The following FAM76A variants were observed in gnomAD, a reference collection of about 807,000 sequenced individuals.
The protein encoded by FAM76A is family with sequence similarity 76 member A, also known as protein FAM76A.
FAM76A carries 32 observed loss-of-function variants against 46.2 expected under a neutral mutation model. That is an observed-to-expected ratio of 0.69 (90% CI 0.52 to 0.93). FAM76A has a LOEUF of 0.93. FAM76A is among the 40% of genes least tolerant of loss of function. The pLI is 0.00. For synonymous variants in FAM76A, 137 were observed against 127.0 expected, an observed-to-expected ratio of 1.08 and a Z score of -0.53; for missense variants, 274 against 361.5, an observed-to-expected ratio of 0.76 and a Z score of 1.96.
In FAM76A at chr1:27,732,636, G is replaced by T. The variant is rs1319026364; in HGVS notation, c.180G>T (p.Gln60His). Residue 60 changes from glutamine to histidine, a missense_variant, in exon 3 of 9, where the codon CAG becomes CAT. Physicochemically the swap from Gln to His is conservative, Grantham distance 24. Coordinates refer to ENST00000373954, the MANE Select transcript of FAM76A (RefSeq NM_152660.3). ...KTNTICKKCA[Q>H]NVQLYGTPKP... ...ATACAATATGCAAGAAATGTGCTCA[G>T]AACGTGCAGTTGTATGGAACGGTAA... is the stretch of plus-strand genomic sequence containing the variant. 6.2e-7 allele frequency: 1 copy of T among 1,609,668 alleles called. No homozygotes were observed. The highest frequency in any genetic ancestry group is 8.5e-7 in the Non-Finnish European group (1 of 1,176,734).
intron 4 of FAM76A, among the ~76,000 whole-genome samples, chr1:27,736,151 C>G (rs2088040159): frequency 6.6e-6 from 1 of 152,040 alleles, no homozygotes; most frequent in African/African-American, 2.4e-5. Flanking sequence ...GAAACCCCGT[C>G]TCTACCAAAA....
rs1227747714 is a variant in FAM76A, at chr1:27,757,549, A to G, written c.736-1977A>G. ...CAGCCAGCTAATTTTTGTATTTTTC[A>G]TAGAGATGGGGGTCTCACCATGTTG... On this transcript the variant is annotated intron_variant, in intron 7 of 8. Transcript: ENST00000373954. 5.3e-5 allele frequency among the ~76,000 whole-genome samples: 8 copies of G among 152,042 alleles called. No individual in the cohort carries two copies. In the East Asian group the frequency reaches 1.4e-3, roughly 26 times the overall value.
At chr1:27,745,819 A>G (rs2088232538) in intron 5 of FAM76A, among the ~76,000 whole-genome samples, 1 of 152,222 alleles carries the variant, frequency 6.6e-6, no homozygotes, top group Non-Finnish European at 1.5e-5. Flanking sequence ...TTGCAAAGGC[A>G]TGGAGGGCAT....
At chr1:27,760,207 G>A (rs1347496861) in intron 8 of FAM76A, 4 of 369,050 alleles carry the variant, frequency 1.1e-5, no homozygotes, top group Non-Finnish European at 2.1e-5. Context: ...TATAGATTCT[G>A]TTTATCCAGC....
intron 5 of FAM76A, among the ~76,000 whole-genome samples, chr1:27,748,512 G>C (rs1182331521): frequency 6.9e-6 from 1 of 145,654 alleles, no homozygotes; most frequent in African/African-American, 2.6e-5. Flanking sequence ...CGCCAGGCTG[G>C]AGTGCAGTGG....
rs553578695 is a variant in FAM76A, at chr1:27,739,685, G to C, written c.355-4969G>C. On this transcript the variant is annotated intron_variant, in intron 4 of 8. Transcript: ENST00000373954. ...CGCCTGTAGTCTCGGCTACTTGGGA[G>C]GCTGAGGTAGGAGGCTCACCTGAGC... 1.8e-4 allele frequency among the ~76,000 whole-genome samples: 27 copies of C among 152,286 alleles called. No individual in the cohort carries two copies. The East Asian group carries it at 5.0e-3, about 28-fold the overall frequency.
At chr1:27,740,251 CT>C in intron 4 of FAM76A, 1 of 706,406 alleles carries the variant, frequency 1.4e-6, no homozygotes, top group Non-Finnish European at 2.7e-6. Context: ...TACTCAGAGG[CT>C]TTGATTGAAG....
In FAM76A at chr1:27,746,745, T is replaced by A. The variant is rs183133022; in HGVS notation, c.512+1934T>A. 2.0e-5 allele frequency among the ~76,000 whole-genome samples: 3 copies of A among 151,962 alleles called. No homozygotes were observed. The East Asian group carries it at 5.8e-4, about 29-fold the overall frequency. ...CTATCTCAAAAAGAAACAGCAACAA[T>A]AAAAAGAATCACTGGGGGTAGGGAT... On this transcript the variant is annotated intron_variant, in intron 5 of 8. Coordinates refer to ENST00000373954, the MANE Select transcript of FAM76A (RefSeq NM_152660.3).
intron 6 of FAM76A, among the ~76,000 whole-genome samples, chr1:27,753,116 G>C (rs1413641347): frequency 6.6e-6 from 1 of 152,206 alleles, no homozygotes; most frequent in Non-Finnish European, 1.5e-5. Flanking sequence ...GCTGGAGGTT[G>C]TGGTGAGCCG....
chr1:27,739,459 T>C (rs2088112849), intron 4 of FAM76A: 6 of 457,538 alleles, frequency 1.3e-5, no homozygotes, highest in Admixed American at 1.3e-4. Flanking sequence ...ATGGCAATTA[T>C]GTCTCGATTT....
chr1:27,727,849 C>T (rs2087887786), intron 2 of FAM76A, among the ~76,000 whole-genome samples: 1 of 143,876 alleles, frequency 7.0e-6, no homozygotes, highest in Non-Finnish European at 1.5e-5. Flanking sequence ...ACTCTGTCAC[C>T]CAGGCTGGAA....
chr1:27,737,574 G>A (rs377093982), intron 4 of FAM76A, among the ~76,000 whole-genome samples: 3 of 151,630 alleles, frequency 2.0e-5, no homozygotes, highest in Non-Finnish European at 4.4e-5. Flanking sequence ...AATCTCGGCC[G>A]GGCACGTTGG....
rs557091364 is a variant in FAM76A, at chr1:27,749,529, C to T, written c.599+375C>T. Among the ~76,000 whole-genome samples, 75 of 152,288 alleles carry T rather than the reference C, an allele frequency of 4.9e-4. No individual in the cohort carries two copies. The Middle Eastern group carries it at 0.017, about 35-fold the overall frequency. On this transcript the variant is annotated intron_variant, in intron 6 of 8. Coordinates refer to ENST00000373954, the MANE Select transcript of FAM76A (RefSeq NM_152660.3). ...ATTACAGGGGCACCACCATGTCCAG[C>T]TAATTTTTGTACATTTAGTAGAGAC...
intron 2 of FAM76A, among the ~76,000 whole-genome samples, chr1:27,728,063 C>G (rs2087891722): frequency 6.6e-6 from 1 of 152,142 alleles, no homozygotes; most frequent in African/African-American, 2.4e-5. Context: ...GCCTCAGCCT[C>G]ACAAAGTGCT....
intron 7 of FAM76A, among the ~76,000 whole-genome samples, chr1:27,758,344 G>GT (rs1486664769): frequency 1.3e-5 from 2 of 152,144 alleles, no homozygotes; most frequent in Non-Finnish European, 2.9e-5. Flanking sequence ...GAAGAGATCT[G>GT]TGTTCTATCC....
intron 4 of FAM76A, among the ~76,000 whole-genome samples, chr1:27,738,402 A>G (rs2088092766): frequency 6.6e-6 from 1 of 152,028 alleles, no homozygotes; most frequent in South Asian, 2.1e-4. Flanking sequence ...AGGCAGGAGA[A>G]TAGCTTGAAT....
chr1:27,759,516 T>C lies in FAM76A; in HGVS notation c.736-10T>C. 6.3e-7 allele frequency: 1 copy of C among 1,593,800 alleles called. No homozygotes were observed. Among genetic ancestry groups the C allele is most frequent in the South Asian group, 1.1e-5 (1 of 87,906 alleles). On this transcript the variant is annotated splice_polypyrimidine_tract_variant and intron_variant, in intron 7 of 8. Coordinates refer to ENST00000373954, the MANE Select transcript of FAM76A (RefSeq NM_152660.3). Reference sequence around the variant, plus strand: ...AATTTCTTCTGGTTATTCTGCCTTGTTTCCCTCAGATTACAGAGTTGAAGG... The same window carrying C: ...AATTTCTTCTGGTTATTCTGCCTTGCTTCCCTCAGATTACAGAGTTGAAGG...
intron 5 of FAM76A, among the ~76,000 whole-genome samples, chr1:27,746,990 C>T (rs963831077): frequency 1.4e-4 from 21 of 152,088 alleles, no homozygotes; most frequent in African/African-American, 5.1e-4. Context: ...AGGAGGATCG[C>T]TTTAAGCCTT....
intron 7 of FAM76A, among the ~76,000 whole-genome samples, chr1:27,756,676 C>A (rs1007040410): frequency 7.2e-5 from 11 of 151,874 alleles, no homozygotes; most frequent in African/African-American, 2.7e-4. Flanking sequence ...AGAATAAGAC[C>A]AGTCTTATTA....
Sources: gnomAD v4.1 joint callset for allele counts (sites outside exome capture counted in the v4.1 genomes callset) on GRCh38, gnomAD v4.1.1 for gene constraint, MANE v1.5 for transcripts, NCBI Gene and HGNC (gene_info 2026-07-23, HGNC 2026-07-21) for gene names.